Variants in EBF3 observed in about 807,000 individuals in gnomAD.
EBF3 encodes the protein transcription factor COE3.
A neutral mutation model predicts 77.1 loss-of-function variants in EBF3; 18 were observed. The observed-to-expected ratio is 0.23, with a 90% CI of 0.16 to 0.35. The LOEUF is 0.35. Among genes scored for constraint, EBF3 ranks in the 10% least tolerant of loss-of-function variants. The pLI is 1.00. For missense variants in EBF3, 558 were observed against 860.0 expected (o/e 0.65, Z 4.39); for synonymous variants, 350 against 343.5 (o/e 1.02, Z -0.21).
At position 129,930,417 on chromosome 10, in the gene EBF3, C is replaced by T. The variant is rs190987242; in HGVS notation, c.554+26841G>A. On this transcript the variant is annotated intron_variant, in intron 6 of 16. Transcript: ENST00000440978. ...ATACCTGTCTATATCTATCTCTATACTAACAAATCCCCCTCTCATATATCT... is the reference window on the plus strand; with the variant it reads ...ATACCTGTCTATATCTATCTCTATATTAACAAATCCCCCTCTCATATATCT... Among the ~76,000 whole-genome samples, 369 of 138,502 alleles carry T rather than the reference C, an allele frequency of 2.7e-3. 1 individual carries two copies. The highest frequency in any genetic ancestry group is 8.8e-3 in the African/African-American group (319 of 36,078). 90.9% of individuals were successfully genotyped at this position (138,502 alleles called of 152,430 possible).
At chr10:129,843,253 TCA>T (rs1564817516) in intron 11 of EBF3, 51 bp from the exon 12 acceptor site, 1 of 1,559,318 alleles carries the variant, frequency 6.4e-7, no homozygotes, top group South Asian at 1.2e-5. Flanking sequence ...CGGCCAGTTA[TCA>T]CTGCCCTTCA....
In EBF3 at chr10:129,841,730, C is replaced by T. The variant is rs1352553614; in HGVS notation, c.1372+386G>A. On this transcript the variant is annotated intron_variant, in intron 13 of 16. Coordinates refer to ENST00000440978, the MANE Select transcript of EBF3 (RefSeq NM_001375380.1). The surrounding 1 kb of genome is among the most constrained non-coding windows in gnomAD (Gnocchi z 4.6). The stretch of plus-strand genomic sequence containing the variant: ...TCCATGGATTCGTTCCAAACTTAGA[C>T]CCAAATCCCGCCGTGCAGTGCGTCC... 6.6e-6 allele frequency among the ~76,000 whole-genome samples: 1 copy of T among 152,110 alleles called. No homozygotes were observed. The highest frequency in any genetic ancestry group is 1.5e-5 in the Non-Finnish European group (1 of 68,036).
rs140472031 is a variant in EBF3, at chr10:129,935,529, A to T, written c.554+21729T>A. ...AGAACAAGCCTCCCAACTCAGCGCC[A>T]ACTGCGGAGCACCAAGCACCCATAT... On this transcript the variant is annotated intron_variant, in intron 6 of 16. Transcript: ENST00000440978. The surrounding 1 kb of genome is among the most constrained non-coding windows in gnomAD (Gnocchi z 4.2). Among the ~76,000 whole-genome samples, 1 of 152,162 alleles carries T rather than the reference A, an allele frequency of 6.6e-6. No homozygotes were observed. The highest frequency in any genetic ancestry group is 1.5e-5 in the Non-Finnish European group (1 of 68,038).
In EBF3 at chr10:129,921,650, A is replaced by T. The variant is rs551697691; in HGVS notation, c.554+35608T>A. On this transcript the variant is annotated intron_variant, in intron 6 of 16. Transcript: ENST00000440978. ...GTGACAGGCCTGGCTACCTCAACAG[A>T]GGAGGATGTCTGCGTGAAGAACTGC... Among the ~76,000 whole-genome samples, 292 of 152,264 alleles carry T rather than the reference A, an allele frequency of 1.9e-3. 4 individuals carry two copies. Among genetic ancestry groups the T allele is most frequent in the Non-Finnish European group, 4.4e-4 (30 of 68,012 alleles).
intron 11 of EBF3, among the ~76,000 whole-genome samples, chr10:129,846,108 T>G (rs985309691): frequency 7.2e-6 from 1 of 139,608 alleles, no homozygotes. Flanking sequence ...ATTCTGGGCT[T>G]TGTGTGTGTG....
At position 129,864,180 on chromosome 10, in the gene EBF3, C is replaced by T. The variant is rs771545428; in HGVS notation, c.1039+2961G>A. Among the ~76,000 whole-genome samples, 27 of 152,130 alleles carry T rather than the reference C, an allele frequency of 1.8e-4. No individual in the cohort carries two copies. The highest frequency in any genetic ancestry group is 3.1e-4 in the Non-Finnish European group (21 of 68,014). On this transcript the variant is annotated intron_variant, in intron 10 of 16. Coordinates refer to ENST00000440978, the MANE Select transcript of EBF3 (RefSeq NM_001375380.1). The surrounding 1 kb of genome is among the most constrained non-coding windows in gnomAD (Gnocchi z 4.4). The stretch of plus-strand genomic sequence containing the variant: ...ATCCCTGGCCAAGGAAGGCATCCTA[C>T]CTGGCTGGAGGGCAACAGGAACAGG...
chr10:129,888,203 C>T (rs889895604), intron 6 of EBF3, among the ~76,000 whole-genome samples: 1 of 152,232 alleles, frequency 6.6e-6, no homozygotes, highest in Non-Finnish European at 1.5e-5. Context: ...GGGAGCAGCA[C>T]CCGCTATGGC....
At chr10:129,937,437 A>G (rs1857439559) in intron 6 of EBF3, among the ~76,000 whole-genome samples, 1 of 152,126 alleles carries the variant, frequency 6.6e-6, no homozygotes, top group African/African-American at 2.4e-5. Flanking sequence ...TGACAGCAAG[A>G]AAAAGGAGCA....
chr10:129,899,298 T>G (rs560125604), intron 6 of EBF3, among the ~76,000 whole-genome samples: 8 of 152,286 alleles, frequency 5.3e-5, no homozygotes, highest in African/African-American at 1.7e-4. Context: ...CGTCTTAAAT[T>G]TTCTAAACAA....
At chr10:129,951,865 T>C (rs1405107733) in intron 6 of EBF3, among the ~76,000 whole-genome samples, 2 of 152,252 alleles carry the variant, frequency 1.3e-5, no homozygotes, top group Non-Finnish European at 2.9e-5. Flanking sequence ...GCCTCCATAA[T>C]GCAGCTCTTC....
chr10:129,847,866 T>C (rs1011467842), intron 11 of EBF3, among the ~76,000 whole-genome samples: 2 of 152,230 alleles, frequency 1.3e-5, no homozygotes, highest in Non-Finnish European at 2.9e-5. Context: ...AAAGTCCCTC[T>C]AGATATTAAT....
chr10:129,911,677 G>A (rs905425937), intron 6 of EBF3, among the ~76,000 whole-genome samples: 1 of 152,134 alleles, frequency 6.6e-6, no homozygotes, highest in African/African-American at 2.4e-5. Flanking sequence ...ACAGTTAGCC[G>A]ACCTGTCATT....
chr10:129,947,858 C>A lies in EBF3; in HGVS notation c.554+9400G>T, dbSNP rs914900441. Among the ~76,000 whole-genome samples the A allele has an allele frequency of 6.6e-6, 1 of 151,606 alleles. No individual in the cohort carries two copies. The highest frequency in any genetic ancestry group is 2.4e-5 in the African/African-American group (1 of 41,242). ...AGGAAGGAAGCAGAGTGCCCAGTAA[C>A]CTTTAAGAAGAAAAAAAAAATTATA... On this transcript the variant is annotated intron_variant, in intron 6 of 16. Coordinates refer to ENST00000440978, the MANE Select transcript of EBF3 (RefSeq NM_001375380.1). The surrounding 1 kb of genome is among the most constrained non-coding windows in gnomAD (Gnocchi z 4.5).
At chr10:129,860,712 C>T (rs543681383) in intron 10 of EBF3, among the ~76,000 whole-genome samples, 7 of 152,292 alleles carry the variant, frequency 4.6e-5, no homozygotes, top group East Asian at 3.9e-4. Context: ...GGTCTAAAGA[C>T]GAAGCACCCT....
Position 129,841,047 on chromosome 10 carries a change from C to CCCCT in EBF3, c.1373-16_1373-15insAGGG. 1.2e-6 allele frequency: 2 copies of CCCCT among 1,604,302 alleles called. No individual in the cohort carries two copies. Among genetic ancestry groups the CCCCT allele is most frequent in the Non-Finnish European group, 8.5e-7 (1 of 1,175,764 alleles). On this transcript the variant is annotated splice_polypyrimidine_tract_variant and intron_variant, in intron 13 of 16. Coordinates refer to ENST00000440978, the MANE Select transcript of EBF3 (RefSeq NM_001375380.1). This position sits in a 1 kb window ranked among gnomAD's most constrained non-coding sequence, Gnocchi z 4.6. ...ACTGTAGCCGACTGTTGAAATCCCC[C>CCCCT]CCCCGGCCAAAAATAACATTATTAT...
chr10:129,860,434 T>C (rs1014460588), intron 10 of EBF3, among the ~76,000 whole-genome samples: 4 of 152,142 alleles, frequency 2.6e-5, no homozygotes, highest in Non-Finnish European at 4.4e-5. Context: ...GGCCGTCCCC[T>C]GTCTGCTACA....
intron 6 of EBF3, among the ~76,000 whole-genome samples, chr10:129,887,181 G>A (rs547342766): frequency 5.9e-5 from 9 of 151,884 alleles, no homozygotes; most frequent in Middle Eastern, 3.4e-3. Flanking sequence ...AACAGCCCAC[G>A]GCTGGGGAGC....
chr10:129,962,043 T>C, intron 4 of EBF3, 128 bp downstream of exon 4: 1 of 811,306 alleles, frequency 1.2e-6, no homozygotes, highest in Non-Finnish European at 2.0e-6. Flanking sequence ...GGAATTCTCA[T>C]TAGCATGTCA....
At chr10:129,850,561 CG>C (rs1202993688) in intron 10 of EBF3, among the ~76,000 whole-genome samples, 1 of 152,180 alleles carries the variant, frequency 6.6e-6, no homozygotes, top group Non-Finnish European at 1.5e-5. Context: ...AGGCTGGATG[CG>C]GGCCGAGGCA....
Sources: allele counts gnomAD v4.1 joint callset (sites outside exome capture counted in the v4.1 genomes callset), GRCh38; gene constraint gnomAD v4.1.1; non-coding constraint Gnocchi (gnomAD v3.1); transcripts MANE v1.5; gene names NCBI Gene and HGNC (gene_info 2026-07-23, HGNC 2026-07-21).